The following FGD5 variants were observed in gnomAD, a reference collection of about 807,000 sequenced individuals.
The protein encoded by FGD5 is FYVE, RhoGEF and PH domain containing 5.
FGD5 carries 28 observed loss-of-function variants against 133.4 expected under a neutral mutation model. The observed-to-expected ratio is 0.21, with a 90% confidence interval of 0.16 to 0.29. FGD5 has a LOEUF of 0.29. Ranked by LOEUF, FGD5 falls within the 10% of genes least tolerant of loss-of-function variation. The pLI, the probability that FGD5 is intolerant of heterozygous loss-of-function variation, is 1.00. For missense variants in FGD5, 1,858 were observed against 1,895.2 expected (o/e 0.98, Z 0.36); for synonymous variants, 810 against 776.5 (o/e 1.04, Z -0.72).
intron 17 of FGD5, among the ~76,000 whole-genome samples, chr3:14,925,745 A>G (rs2038790284): frequency 6.6e-6 from 1 of 152,248 alleles, no homozygotes; most frequent in Non-Finnish European, 1.5e-5. Context: ...TAATTTTAGA[A>G]GGAAGAACCT....
At chr3:14,890,548 G>T (rs1417767877) in intron 4 of FGD5, among the ~76,000 whole-genome samples, 1 of 152,228 alleles carries the variant, frequency 6.6e-6, no homozygotes, top group East Asian at 1.9e-4. Context: ...CCAAGTTGAT[G>T]AGTTGATGAG....
At chr3:14,870,415 C>A (rs1476825384) in intron 2 of FGD5, among the ~76,000 whole-genome samples, 1 of 152,216 alleles carries the variant, frequency 6.6e-6, no homozygotes, top group Admixed American at 6.5e-5. Context: ...CTCTTGATAC[C>A]CAGGAGCCAG....
At chr3:14,901,342 C>T (rs2038235661) in intron 9 of FGD5, among the ~76,000 whole-genome samples, 1 of 152,242 alleles carries the variant, frequency 6.6e-6, no homozygotes, top group Non-Finnish European at 1.5e-5. Flanking sequence ...GCTTTGTAAA[C>T]TCCTAGTTCC....
chr3:14,930,598 C>T (rs1175567647), intron 18 of FGD5, among the ~76,000 whole-genome samples: 1 of 151,668 alleles, frequency 6.6e-6, no homozygotes, highest in Non-Finnish European at 1.5e-5. Flanking sequence ...GACTCTGTCT[C>T]AAAAAAGAAA....
chr3:14,912,746 G>A (rs1687304), intron 11 of FGD5, among the ~76,000 whole-genome samples: 127,733 of 152,180 alleles, frequency 0.84, 53,831 homozygotes, highest in East Asian at 0.98. Flanking sequence ...CTAAATTTTA[G>A]AAATTCTTGG....
Position 14,897,494 on chromosome 3 carries a change from C to T in FGD5, c.2749-15C>T, listed in dbSNP as rs548127230. 5.0e-6 allele frequency: 8 copies of T among 1,598,800 alleles called. No homozygotes were observed. The South Asian group carries it at 9.1e-5, about 18-fold the overall frequency. On this transcript the variant is annotated splice_polypyrimidine_tract_variant and intron_variant, in intron 4 of 19. Transcript: ENST00000285046. The stretch of plus-strand genomic sequence containing the variant: ...TCCTATCAACCTGTGGGTAACAGAC[C>T]TTTTGGTGTTTCAGGATTTCCATGG...
intron 1 of FGD5, among the ~76,000 whole-genome samples, chr3:14,848,499 A>G (rs1473465323): frequency 1.3e-5 from 2 of 152,084 alleles, no homozygotes; most frequent in Non-Finnish European, 2.9e-5. Flanking sequence ...CCAAGATGCA[A>G]AAAGGCCAGG....
intron 11 of FGD5, among the ~76,000 whole-genome samples, chr3:14,916,531 A>G (rs1477079017): frequency 6.6e-6 from 1 of 152,136 alleles, no homozygotes; most frequent in South Asian, 2.1e-4. Flanking sequence ...GTGTCTCCCA[A>G]CCCTTCCTTA....
At chr3:14,817,038 A>G (rs1438447785), upstream of FGD5, among the ~76,000 whole-genome samples, 1 of 152,220 alleles carries the variant, frequency 6.6e-6, no homozygotes, top group Non-Finnish European at 1.5e-5. Flanking sequence ...GCTAGTCTAA[A>G]TTGAAGTGTG....
At chr3:14,854,422 T>C (rs11712923) in intron 1 of FGD5, among the ~76,000 whole-genome samples, 12,052 of 142,410 alleles carry the variant, frequency 0.085, 730 homozygotes, top group East Asian at 0.31. Context: ...TATTTATTTA[T>C]TTATTTATTT....
intron 1 of FGD5, among the ~76,000 whole-genome samples, chr3:14,840,023 A>T (rs527479639): frequency 1.4e-4 from 21 of 152,274 alleles, no homozygotes; most frequent in East Asian, 3.9e-4. Context: ...GGAAAAATCA[A>T]ATCTCACATT....
At chr3:14,882,191 T>G in intron 4 of FGD5, 1 of 592,998 alleles carries the variant, frequency 1.7e-6, no homozygotes, top group Non-Finnish European at 2.1e-6. Context: ...AAGGATCAGT[T>G]TCCCATTTTT....
Position 14,820,892 on chromosome 3 carries a change from C to T in FGD5, c.1821C>T (p.Ser607=), listed in dbSNP as rs758414906. ...ACCACCTTCCGTCCAGCGGCACCTC[C>T]ACGCCTTCTTCCATGGTCGACATCC... The part of the protein sequence containing the change: ...QRNHLPSSGT[S]TPSSMVDIPP... The change falls in exon 1 of 20, where the codon TCC becomes TCT. Residue 607 remains serine (S), a synonymous_variant. Transcript: ENST00000285046. The T allele has an allele frequency of 1.2e-6, 2 of 1,613,764 alleles. No individual in the cohort carries two copies. The highest frequency in any genetic ancestry group is 1.7e-6 in the Non-Finnish European group (2 of 1,179,834).
intron 11 of FGD5, among the ~76,000 whole-genome samples, chr3:14,912,814 G>T (rs1218453643): frequency 1.3e-5 from 2 of 152,088 alleles, no homozygotes; most frequent in Admixed American, 1.3e-4. Flanking sequence ...AGGCAGGCGG[G>T]TCACAAGGTC....
At chr3:14,896,111 A>T (rs2038132537) in intron 4 of FGD5, among the ~76,000 whole-genome samples, 1 of 152,208 alleles carries the variant, frequency 6.6e-6, no homozygotes, top group Admixed American at 6.5e-5. Flanking sequence ...AAAACCATAA[A>T]ACACTGATGA....
chr3:14,864,759 G>T (rs2037462624), intron 2 of FGD5, among the ~76,000 whole-genome samples: 1 of 152,212 alleles, frequency 6.6e-6, no homozygotes, highest in African/African-American at 2.4e-5. Context: ...CTGTCTAGAG[G>T]CTGATGGTGA....
At chr3:14,837,945 A>G (rs1434549260) in intron 1 of FGD5, among the ~76,000 whole-genome samples, 2 of 152,226 alleles carry the variant, frequency 1.3e-5, no homozygotes, top group East Asian at 3.8e-4. Flanking sequence ...TAGTGGCTTA[A>G]GACAACATCT....
chr3:14,851,616 C>T (rs1197277698), intron 1 of FGD5, among the ~76,000 whole-genome samples: 1 of 152,202 alleles, frequency 6.6e-6, no homozygotes, highest in Non-Finnish European at 1.5e-5. Context: ...GACACCATCA[C>T]AGTGGTAGGT....
chr3:14,880,451 C>T, intron 2 of FGD5, 121 bp from the exon 3 acceptor site: 1 of 758,380 alleles, frequency 1.3e-6, no homozygotes, highest in Non-Finnish European at 2.2e-6. Flanking sequence ...GAAGAACATA[C>T]AAGTAATGAG....
Sources: allele counts gnomAD v4.1 joint callset (sites outside exome capture counted in the v4.1 genomes callset), GRCh38; gene constraint gnomAD v4.1.1; transcripts MANE v1.5; gene names NCBI Gene and HGNC (gene_info 2026-07-23, HGNC 2026-07-21).